ASAP1: variants seen among roughly 807,000 people sequenced by gnomAD.
ASAP1 encodes arf-GAP with SH3 domain, ANK repeat and PH domain-containing protein 1.
In ASAP1, 43 loss-of-function variants were observed where a neutral mutation model predicts 145.2. That is an observed-to-expected ratio of 0.30 (90% CI 0.23 to 0.38). The LOEUF is 0.38. Ranked by LOEUF, ASAP1 falls within the 10% of genes least tolerant of loss-of-function variation. ASAP1 has a pLI of 1.00. For synonymous variants in ASAP1, 546 were observed against 515.5 expected, an observed-to-expected ratio of 1.06 and a Z score of -0.80; for missense variants, 1,018 against 1,355.3, an observed-to-expected ratio of 0.75 and a Z score of 3.91.
intron 3 of ASAP1, among the ~76,000 whole-genome samples, chr8:130,256,742 TATATATATATATA>T (rs1819549117): frequency 8.2e-5 from 2 of 24,372 alleles, no homozygotes; most frequent in African/African-American, 3.0e-4. Flanking sequence ...CACATTCTTA[TATATATATATATA>T]TATATATATA....
At chr8:130,219,641 G>A (rs929086058) in intron 4 of ASAP1, among the ~76,000 whole-genome samples, 5 of 152,178 alleles carry the variant, frequency 3.3e-5, no homozygotes, top group African/African-American at 1.2e-4. Flanking sequence ...ATAGTACAGT[G>A]GGAGTTAGGG....
chr8:130,267,401 G>T (rs1820328576), intron 3 of ASAP1, among the ~76,000 whole-genome samples: 1 of 152,184 alleles, frequency 6.6e-6, no homozygotes, highest in Non-Finnish European at 1.5e-5. Flanking sequence ...CTTAGCCTGT[G>T]CAAACACTGT....
At chr8:130,293,287 G>C (rs1822055880) in intron 3 of ASAP1, among the ~76,000 whole-genome samples, 1 of 152,188 alleles carries the variant, frequency 6.6e-6, no homozygotes, top group Non-Finnish European at 1.5e-5. Context: ...CCATTCCCCA[G>C]TGTGAGTAGC....
At chr8:130,133,194 TC>T (rs2097585799) in intron 15 of ASAP1, among the ~76,000 whole-genome samples, 1 of 151,504 alleles carries the variant, frequency 6.6e-6, no homozygotes, top group South Asian at 2.1e-4. Context: ...AACAAAAACA[TC>T]CCTCTCCCAA....
intron 4 of ASAP1, among the ~76,000 whole-genome samples, chr8:130,230,134 G>A (rs1817826202): frequency 6.6e-6 from 1 of 152,008 alleles, no homozygotes. Context: ...GTCGTGGGAT[G>A]AGTACTCACA....
In ASAP1 at chr8:130,115,472, A is replaced by G. The variant is rs535116588; in HGVS notation, c.2172+156T>C. ...TCTGGACAACCTTAATATAGCTGTTAAATGGTGCCCAATAAGGACTGAACA... is the reference window on the plus strand; with the variant it reads ...TCTGGACAACCTTAATATAGCTGTTGAATGGTGCCCAATAAGGACTGAACA... On this transcript the variant is annotated intron_variant, in intron 23 of 29. Coordinates refer to ENST00000518721, the MANE Select transcript of ASAP1 (RefSeq NM_018482.4). The G allele has an allele frequency of 8.7e-5, 56 of 645,640 alleles. No homozygotes were observed. The South Asian group carries it at 9.2e-4, about 11-fold the overall frequency. The allele number at this position is 645,640 out of a possible 1,614,324, so 40.0% of individuals were successfully genotyped here.
intron 1 of ASAP1, among the ~76,000 whole-genome samples, chr8:130,403,557 T>TTTC (rs1198660362): frequency 6.1e-5 from 9 of 147,994 alleles, no homozygotes; most frequent in African/African-American, 2.0e-4. Flanking sequence ...TCTTTTTCTT[T>TTTC]TTTTTTTTTT....
intron 1 of ASAP1, among the ~76,000 whole-genome samples, chr8:130,423,554 CCAGT>C (rs1829802577): frequency 6.6e-6 from 1 of 152,104 alleles, no homozygotes; most frequent in Non-Finnish European, 1.5e-5. Context: ...TAAAAAAGAA[CCAGT>C]CAAATAAATT....
At chr8:130,432,783 A>T (rs1028705942) in intron 1 of ASAP1, among the ~76,000 whole-genome samples, 1 of 151,890 alleles carries the variant, frequency 6.6e-6, no homozygotes, top group Admixed American at 6.6e-5. Flanking sequence ...CTTCACCCCC[A>T]CTGCCAGGCA....
At chr8:130,235,897 G>C (rs1384550765) in intron 4 of ASAP1, among the ~76,000 whole-genome samples, 1 of 152,060 alleles carries the variant, frequency 6.6e-6, no homozygotes, top group East Asian at 1.9e-4. Context: ...AAATTAAGAG[G>C]AACATGCATT....
At chr8:130,372,790 T>C (rs1475482315) in intron 2 of ASAP1, among the ~76,000 whole-genome samples, 1 of 152,178 alleles carries the variant, frequency 6.6e-6, no homozygotes, top group Non-Finnish European at 1.5e-5. Context: ...TGAGAGAGAA[T>C]TCAGATTGAA....
intron 1 of ASAP1, among the ~76,000 whole-genome samples, chr8:130,437,708 G>A (rs1423037838): frequency 6.6e-6 from 1 of 152,186 alleles, no homozygotes; most frequent in Admixed American, 6.5e-5. Flanking sequence ...ATTCATGATT[G>A]GTTTTGAAAG....
rs530275239 is a variant in ASAP1, at chr8:130,389,736, C to G, written c.59+12149G>C. Among the ~76,000 whole-genome samples the G allele has an allele frequency of 1.5e-4, 23 of 152,164 alleles. 1 individual carries two copies. Among genetic ancestry groups the G allele is most frequent in the African/African-American group, 4.8e-4 (20 of 41,542 alleles). Reference sequence around the variant, plus strand: ...TTTTTCCTGAGACAGGGTCTCCTTCCGTTGCCTAGGCTGGAGTGCAGTGGC... The same window carrying G: ...TTTTTCCTGAGACAGGGTCTCCTTCGGTTGCCTAGGCTGGAGTGCAGTGGC... On this transcript the variant is annotated intron_variant, in intron 2 of 29. Coordinates refer to ENST00000518721, the MANE Select transcript of ASAP1 (RefSeq NM_018482.4).
chr8:130,345,371 T>C (rs1252156848), intron 3 of ASAP1, among the ~76,000 whole-genome samples: 2 of 152,208 alleles, frequency 1.3e-5, no homozygotes, highest in Non-Finnish European at 2.9e-5. Flanking sequence ...TAGATTTAAA[T>C]GCCTCCCCGT....
chr8:130,359,695 C>T (rs1826613953), intron 2 of ASAP1, among the ~76,000 whole-genome samples: 1 of 151,402 alleles, frequency 6.6e-6, no homozygotes, highest in Non-Finnish European at 1.5e-5. Flanking sequence ...GCAATCTCGG[C>T]TCACTGCAAG....
At chr8:130,249,948 A>C (rs1819089335) in intron 3 of ASAP1, among the ~76,000 whole-genome samples, 1 of 152,046 alleles carries the variant, frequency 6.6e-6, no homozygotes, top group African/African-American at 2.4e-5. Context: ...AAAATCACGT[A>C]TTTTCAAATC....
intron 3 of ASAP1, among the ~76,000 whole-genome samples, chr8:130,237,540 T>C (rs1445707736): frequency 6.6e-6 from 1 of 152,138 alleles, no homozygotes; most frequent in Non-Finnish European, 1.5e-5. Flanking sequence ...AGTTGAATTT[T>C]GGCAATCTTT....
intron 1 of ASAP1, among the ~76,000 whole-genome samples, chr8:130,405,464 C>T (rs960937218): frequency 1.3e-5 from 2 of 152,314 alleles, no homozygotes; most frequent in Admixed American, 1.3e-4. Flanking sequence ...TTGTCCCATT[C>T]CTTCAGTGGG....
At chr8:130,356,417 T>C (rs1213406735) in intron 3 of ASAP1, among the ~76,000 whole-genome samples, 1 of 152,190 alleles carries the variant, frequency 6.6e-6, no homozygotes, top group African/African-American at 2.4e-5. Context: ...AAAATGCTCC[T>C]GTATCAACAT....
Sources: gnomAD v4.1 joint callset for allele counts (sites outside exome capture counted in the v4.1 genomes callset) on GRCh38, gnomAD v4.1.1 for gene constraint, MANE v1.5 for transcripts, NCBI Gene and HGNC (gene_info 2026-07-23, HGNC 2026-07-21) for gene names.